ULK4: variants seen among roughly 807,000 people sequenced by gnomAD.
ULK4 encodes unc-51 like kinase 4, also known as inactive serine/threonine-protein kinase ULK4.
A neutral mutation model predicts 160.6 loss-of-function variants in ULK4; 133 were observed. The ratio of observed to expected loss-of-function variants is 0.83; its 90% CI spans 0.72 to 0.96. The LOEUF is 0.96. ULK4 is among the 40% of genes least tolerant of loss of function. The probability of loss-of-function intolerance (pLI) is 0.00; values close to 1 mark genes in which losing one functional copy is unlikely to be tolerated. For synonymous variants in ULK4, 534 were observed against 539.8 expected, an observed-to-expected ratio of 0.99 and a Z score of 0.15; for missense variants, 1,580 against 1,499.5, an observed-to-expected ratio of 1.05 and a Z score of -0.89.
At chr3:41,708,219 G>T (rs1039733394) in intron 25 of ULK4, among the ~76,000 whole-genome samples, 18 of 151,480 alleles carry the variant, frequency 1.2e-4, no homozygotes, top group African/African-American at 4.1e-4. Context: ...TCAGTATGTT[G>T]AAGAAATATC....
intron 17 of ULK4, among the ~76,000 whole-genome samples, chr3:41,859,866 C>T (rs895713533): frequency 1.4e-5 from 2 of 138,164 alleles, no homozygotes; most frequent in African/African-American, 5.4e-5. Flanking sequence ...AACAGGGTTT[C>T]ACCATGTTGG....
At chr3:41,470,043 A>AAAAAAAAAAAAC (rs2083944970) in intron 32 of ULK4, among the ~76,000 whole-genome samples, 1 of 148,324 alleles carries the variant, frequency 6.7e-6, no homozygotes, top group African/African-American at 2.5e-5. Flanking sequence ...AAAAAAAAAA[A>AAAAAAAAAAAAC]AAACAAAGTA....
At chr3:41,773,641 A>G (rs1422178572) in intron 21 of ULK4, among the ~76,000 whole-genome samples, 1 of 152,188 alleles carries the variant, frequency 6.6e-6, no homozygotes, top group Admixed American at 6.5e-5. Flanking sequence ...AAAGGGCCAT[A>G]CTGCCCAAGG....
chr3:41,323,391 A>AACAC (rs34357899), intron 35 of ULK4, among the ~76,000 whole-genome samples: 23,917 of 119,976 alleles, frequency 0.2, 2,521 homozygotes, highest in East Asian at 0.27. Flanking sequence ...CCTGAACAAT[A>AACAC]ACACACACAC....
At chr3:41,524,812 C>CGG (rs2086056405) in intron 32 of ULK4, among the ~76,000 whole-genome samples, 1 of 152,090 alleles carries the variant, frequency 6.6e-6, no homozygotes, top group African/African-American at 2.4e-5. Context: ...GTGACACGTG[C>CGG]CTGTAGTCCA....
At chr3:41,812,115 T>C (rs2040836005) in intron 19 of ULK4, among the ~76,000 whole-genome samples, 1 of 151,906 alleles carries the variant, frequency 6.6e-6, no homozygotes, top group African/African-American at 2.4e-5. Context: ...TAAAACCCCA[T>C]CTCTACAAAA....
chr3:41,411,375 A>T (rs984861458), intron 34 of ULK4, among the ~76,000 whole-genome samples: 4 of 151,878 alleles, frequency 2.6e-5, no homozygotes, highest in African/African-American at 9.7e-5. Context: ...TGCATGTTAA[A>T]ACTTTGTTCT....
chr3:41,622,253 T>C (rs553608375), intron 30 of ULK4, among the ~76,000 whole-genome samples: 1 of 151,614 alleles, frequency 6.6e-6, no homozygotes, highest in African/African-American at 2.4e-5. Flanking sequence ...CATTTGGGTA[T>C]ATACCCAAAG....
intron 34 of ULK4, among the ~76,000 whole-genome samples, chr3:41,415,084 T>C (rs1359608210): frequency 1.3e-5 from 2 of 152,158 alleles, no homozygotes; most frequent in Non-Finnish European, 2.9e-5. Context: ...CTAAGGCTCT[T>C]TCCATGTACA....
At chr3:41,782,181 C>T (rs1408272221) in intron 21 of ULK4, among the ~76,000 whole-genome samples, 2 of 147,632 alleles carry the variant, frequency 1.4e-5, no homozygotes, top group Non-Finnish European at 3.0e-5. Context: ...TGGGCAAGTT[C>T]AAGTATGTCT....
intron 35 of ULK4, among the ~76,000 whole-genome samples, chr3:41,282,282 A>G (rs1024601456): frequency 1.3e-5 from 2 of 152,272 alleles, no homozygotes; most frequent in African/African-American, 4.8e-5. Flanking sequence ...CTTTCTTCAC[A>G]GAATTGGAAA....
In ULK4 at chr3:41,883,918, C is replaced by A; in HGVS notation, c.1612G>T (p.Ala538Ser). 1.2e-6 allele frequency: 2 copies of A among 1,610,772 alleles called. No homozygotes were observed. Among genetic ancestry groups the A allele is most frequent in the South Asian group, 2.2e-5 (2 of 90,982 alleles). The change falls in exon 17 of 37, where the codon GCT (alanine) becomes TCT (serine). Residue 538 changes from alanine (A) to serine (S), a missense_variant. Physicochemically the swap from Ala to Ser is moderately conservative, Grantham distance 99. Coordinates refer to ENST00000301831, the MANE Select transcript of ULK4 (RefSeq NM_017886.4). ...AKVAHVIGLLASHTAELQENT... is the reference protein window; with the variant it reads ...AKVAHVIGLLSSHTAELQENT... ...TCCTGGAGCTCAGCTGTGTGCGAAG[C>A]CAGTAAACCAATTACGTGAGCAACC... is the stretch of plus-strand genomic sequence containing the variant.
At chr3:41,342,689 C>T (rs2080711747) in intron 35 of ULK4, among the ~76,000 whole-genome samples, 4 of 152,172 alleles carry the variant, frequency 2.6e-5, no homozygotes, top group Admixed American at 2.6e-4. Context: ...CAGCATCATC[C>T]TGATACCAAA....
intron 17 of ULK4, among the ~76,000 whole-genome samples, chr3:41,841,288 AAGTGGGCG>A (rs1187102551): frequency 4.1e-5 from 5 of 120,736 alleles, no homozygotes; most frequent in African/African-American, 1.6e-4. Flanking sequence ...CCCGTCTGGG[AAGTGGGCG>A]CCTCTGCCCG....
In ULK4 at chr3:41,962,032, GAA is replaced by G. The variant is rs1400430595; in HGVS notation, c.-67_-66del. ...GCCACGCACCTGGTAGCTAAGTCAA[GAA>G]AAGAGTCCAGTCCACTTGGCTGCTC... On this transcript the variant is annotated 5_prime_UTR_variant, in exon 1 of 37. An upstream open reading frame in the 5' UTR loses its in-frame stop. Transcript: ENST00000301831. 1.3e-5 allele frequency: 2 copies of G among 152,562 alleles called. No homozygotes were observed. Among genetic ancestry groups the G allele is most frequent in the African/African-American group, 4.8e-5 (2 of 41,476 alleles). 9.5% of individuals were successfully genotyped at this position (152,562 alleles called of 1,614,324 possible). A position where few individuals can be genotyped will look rare whatever the true frequency, so the allele number is the denominator to read the frequency against.
chr3:41,267,135 T>C (rs1160863899), intron 35 of ULK4, among the ~76,000 whole-genome samples: 1 of 151,736 alleles, frequency 6.6e-6, no homozygotes, highest in Admixed American at 6.6e-5. Flanking sequence ...GATGCAGCTA[T>C]TGACCCGTCT....
intron 35 of ULK4, among the ~76,000 whole-genome samples, chr3:41,260,815 C>T (rs749543597): frequency 1.3e-5 from 2 of 152,226 alleles, no homozygotes; most frequent in Non-Finnish European, 1.5e-5. Context: ...TGGAACAGTA[C>T]TGGAGCATAA....
chr3:41,706,599 G>A (rs753376381), intron 25 of ULK4, among the ~76,000 whole-genome samples: 40 of 150,554 alleles, frequency 2.7e-4, no homozygotes, highest in Non-Finnish European at 4.7e-4. Context: ...AGGCCAAGGC[G>A]GGCAGATTAC....
chr3:41,292,156 TATTA>T (rs1425173026), intron 35 of ULK4, among the ~76,000 whole-genome samples: 5 of 152,290 alleles, frequency 3.3e-5, no homozygotes, highest in Admixed American at 2.0e-4. Context: ...TCTCTAGGTA[TATTA>T]TTTATCAAAA....
Sources: gnomAD v4.1 joint callset for allele counts (sites outside exome capture counted in the v4.1 genomes callset) on GRCh38, gnomAD v4.1.1 for gene constraint, MANE v1.5 for transcripts, NCBI Gene and HGNC (gene_info 2026-07-23, HGNC 2026-07-21) for gene names.